Variants in MAPKAP1 observed in about 807,000 individuals in gnomAD.
MAPKAP1 encodes the protein target of rapamycin complex 2 subunit MAPKAP1.
MAPKAP1 carries 20 observed loss-of-function variants against 65.7 expected under a neutral mutation model. The observed-to-expected ratio is 0.30, with a 90% CI of 0.21 to 0.44. The LOEUF (loss-of-function observed/expected upper bound fraction) is 0.44. Among genes scored for constraint, MAPKAP1 ranks in the 20% least tolerant of loss-of-function variants. The probability of loss-of-function intolerance (pLI) is 1.00; values close to 1 mark genes in which losing one functional copy is unlikely to be tolerated. For missense variants in MAPKAP1, 423 were observed against 648.0 expected (o/e 0.65, Z 3.77); for synonymous variants, 222 against 244.3 (o/e 0.91, Z 0.85).
chr9:125,517,018 C>T (rs1007210760), intron 7 of MAPKAP1, among the ~76,000 whole-genome samples: 4 of 152,284 alleles, frequency 2.6e-5, no homozygotes, highest in Non-Finnish European at 5.9e-5. Context: ...AAACTCTATG[C>T]GGTAGGCCCT....
At chr9:125,615,143 G>T (rs1443468461) in intron 4 of MAPKAP1, among the ~76,000 whole-genome samples, 1 of 151,966 alleles carries the variant, frequency 6.6e-6, no homozygotes, top group African/African-American at 2.4e-5. Flanking sequence ...ATAAAATCTT[G>T]AAAGTAGAAT....
At position 125,447,595 on chromosome 9, in the gene MAPKAP1, T is replaced by C. The variant is rs1852766883; in HGVS notation, c.1346-2997A>G. On this transcript the variant is annotated intron_variant, in intron 10 of 11. Coordinates refer to ENST00000265960, the MANE Select transcript of MAPKAP1 (RefSeq NM_001006617.3). The surrounding 1 kb of genome is among the most constrained non-coding windows in gnomAD (Gnocchi z 4.5). ...CCCGAGTTCCCCTCGCTAGCAGCCC[T>C]GTTTCGCTGGGCGGCCAGAAGGGCA... The C allele has an allele frequency of 2.4e-6, 1 of 420,374 alleles. No homozygotes were observed. Among genetic ancestry groups the C allele is most frequent in the Non-Finnish European group, 4.8e-6 (1 of 206,196 alleles). The allele number at this position is 420,374 out of a possible 1,614,324, so 26.0% of individuals were successfully genotyped here. A position where few individuals can be genotyped will look rare whatever the true frequency, so the allele number is the denominator to read the frequency against.
chr9:125,601,013 G>GT (rs1294507237), intron 4 of MAPKAP1, among the ~76,000 whole-genome samples: 5 of 151,692 alleles, frequency 3.3e-5, no homozygotes, highest in South Asian at 2.1e-4. Flanking sequence ...GTAAAAATTG[G>GT]TTTTTTTTAA....
chr9:125,679,376 G>T (rs1834752977), intron 1 of MAPKAP1, among the ~76,000 whole-genome samples: 1 of 152,290 alleles, frequency 6.6e-6, no homozygotes, highest in Non-Finnish European at 1.5e-5. Flanking sequence ...ATGGGTCTCT[G>T]TGAAAGACAT....
At chr9:125,638,234 A>G (rs1833481536) in intron 4 of MAPKAP1, among the ~76,000 whole-genome samples, 1 of 152,224 alleles carries the variant, frequency 6.6e-6, no homozygotes, top group Non-Finnish European at 1.5e-5. Context: ...AGGACAAACC[A>G]AAAGAGAGGG....
At chr9:125,523,099 C>A (rs1829666351) in intron 7 of MAPKAP1, among the ~76,000 whole-genome samples, 1 of 152,162 alleles carries the variant, frequency 6.6e-6, no homozygotes, top group Non-Finnish European at 1.5e-5. Flanking sequence ...TTTCTACAAT[C>A]CCCAGCCAAC....
At chr9:125,544,728 A>G (rs569659608) in intron 6 of MAPKAP1, among the ~76,000 whole-genome samples, 3 of 152,210 alleles carry the variant, frequency 2.0e-5, no homozygotes, top group Non-Finnish European at 4.4e-5. Context: ...AAGAATCTCT[A>G]AAGGGAATGT....
chr9:125,693,721 G>GTA (rs1491508540), intron 1 of MAPKAP1, among the ~76,000 whole-genome samples: 1,253 of 58,976 alleles, frequency 0.021, 26 homozygotes, highest in Middle Eastern at 0.12. Context: ...ATATATACAC[G>GTA]TATATACACA....
At chr9:125,442,199 G>C (rs930377145) in intron 11 of MAPKAP1, among the ~76,000 whole-genome samples, 4 of 148,376 alleles carry the variant, frequency 2.7e-5, no homozygotes, top group African/African-American at 1.0e-4. Flanking sequence ...TCAGGCTCAT[G>C]ATCATTAGCT....
intron 2 of MAPKAP1, among the ~76,000 whole-genome samples, chr9:125,670,168 A>G (rs1025816078): frequency 3.3e-5 from 5 of 152,202 alleles, no homozygotes; most frequent in Non-Finnish European, 7.4e-5. Context: ...GAATAATAAA[A>G]TGTGAAAACT....
At chr9:125,593,071 C>G (rs1350182526) in intron 4 of MAPKAP1, among the ~76,000 whole-genome samples, 2 of 151,260 alleles carry the variant, frequency 1.3e-5, no homozygotes, top group Non-Finnish European at 2.9e-5. Context: ...CCGAGGCGGG[C>G]AGATCACCTG....
At chr9:125,493,120 G>T (rs1854796449) in intron 8 of MAPKAP1, among the ~76,000 whole-genome samples, 1 of 152,218 alleles carries the variant, frequency 6.6e-6, no homozygotes. Flanking sequence ...TTCAAAAGTG[G>T]AGCAGTATCT....
intron 6 of MAPKAP1, among the ~76,000 whole-genome samples, chr9:125,548,841 T>C (rs936113708): frequency 2.0e-5 from 3 of 152,200 alleles, no homozygotes; most frequent in Non-Finnish European, 4.4e-5. Context: ...ATAGGTGTTA[T>C]TATGAGTTCC....
In MAPKAP1 at chr9:125,474,124, A is replaced by C. The variant is rs185909069; in HGVS notation, c.1208-6015T>G. On this transcript the variant is annotated intron_variant, in intron 9 of 11. Coordinates refer to ENST00000265960, the MANE Select transcript of MAPKAP1 (RefSeq NM_001006617.3). ...TCGAGTCTGGGGAGCTCAGGGAGCC[A>C]CGAGAAGGAGGTGAATAAAGGACCT... is the stretch of plus-strand genomic sequence containing the variant. Among the ~76,000 whole-genome samples the C allele has an allele frequency of 3.3e-3, 495 of 152,276 alleles. 1 individual carries two copies. The highest frequency in any genetic ancestry group is 5.5e-3 in the Non-Finnish European group (374 of 68,016).
intron 4 of MAPKAP1, among the ~76,000 whole-genome samples, chr9:125,606,556 C>T (rs766651329): frequency 6.6e-6 from 1 of 152,160 alleles, no homozygotes; most frequent in Non-Finnish European, 1.5e-5. Flanking sequence ...AGATACTGTC[C>T]TCGCACATTC....
chr9:125,693,656 CAT>C (rs1290970153), intron 1 of MAPKAP1, among the ~76,000 whole-genome samples: 1 of 128,834 alleles, frequency 7.8e-6, no homozygotes, highest in Non-Finnish European at 1.5e-5. Flanking sequence ...TACACGTATA[CAT>C]ACACACACAT....
At chr9:125,576,632 C>A (rs1205885053) in intron 5 of MAPKAP1, among the ~76,000 whole-genome samples, 2 of 152,224 alleles carry the variant, frequency 1.3e-5, no homozygotes, top group Non-Finnish European at 2.9e-5. Context: ...GATTCTCCTG[C>A]CTCAGCCTGC....
intron 5 of MAPKAP1, among the ~76,000 whole-genome samples, chr9:125,582,916 C>A (rs1422777869): frequency 1.3e-5 from 2 of 152,152 alleles, no homozygotes. Flanking sequence ...TGGCTGAGGG[C>A]TCTGATCATC....
chr9:125,444,437 G>A (rs1485809886), intron 11 of MAPKAP1, 64 bp downstream of exon 11: 27 of 1,306,672 alleles, frequency 2.1e-5, no homozygotes, highest in South Asian at 2.6e-5. Context: ...CGGCCATGCC[G>A]CAAACAGCCT....
Sources: allele counts gnomAD v4.1 joint callset (sites outside exome capture counted in the v4.1 genomes callset), GRCh38; gene constraint gnomAD v4.1.1; non-coding constraint Gnocchi (gnomAD v3.1); transcripts MANE v1.5; gene names NCBI Gene and HGNC (gene_info 2026-07-23, HGNC 2026-07-21).